ADGRD1: variants seen among roughly 807,000 people sequenced by gnomAD.
ADGRD1 encodes the protein adhesion G protein-coupled receptor D1.
ADGRD1 carries 77 observed loss-of-function variants against 113.4 expected under a neutral mutation model. The observed-to-expected ratio is 0.68, with a 90% CI of 0.57 to 0.82. The LOEUF is 0.82. Among genes scored for constraint, ADGRD1 ranks in the 40% least tolerant of loss-of-function variants. The pLI, the probability that ADGRD1 is intolerant of heterozygous loss-of-function variation, is 0.00. For missense variants in ADGRD1, 1,036 were observed against 1,139.1 expected (o/e 0.91, Z 1.30); for synonymous variants, 474 against 475.0 (o/e 1.00, Z 0.03).
At chr12:131,034,837 C>T (rs575357229) in intron 13 of ADGRD1, among the ~76,000 whole-genome samples, 13 of 152,270 alleles carry the variant, frequency 8.5e-5, no homozygotes, top group South Asian at 6.2e-4. Flanking sequence ...CACCGGCTCC[C>T]GCTCCTTAGC....
chr12:131,070,936 G>A (rs753688737), intron 13 of ADGRD1: 1 of 519,048 alleles, frequency 1.9e-6, no homozygotes, highest in Non-Finnish European at 3.8e-6. Flanking sequence ...TGGGGTCAGA[G>A]TGGGCCTGAG....
chr12:131,087,112 C>T (rs1187781760), intron 15 of ADGRD1, among the ~76,000 whole-genome samples: 21 of 152,168 alleles, frequency 1.4e-4, no homozygotes, highest in Non-Finnish European at 1.9e-4. Flanking sequence ...CACCATGTTC[C>T]TCAGGCTGGT....
At chr12:131,105,342 G>C (rs1042002056) in intron 16 of ADGRD1, among the ~76,000 whole-genome samples, 7 of 152,256 alleles carry the variant, frequency 4.6e-5, no homozygotes, top group Non-Finnish European at 1.0e-4. Flanking sequence ...CAGAGAGCGA[G>C]GGGTGCAGCT....
intron 20 of ADGRD1, 51 bp downstream of exon 20, chr12:131,120,964 G>A: frequency 1.9e-6 from 3 of 1,550,142 alleles, no homozygotes; most frequent in Non-Finnish European, 2.7e-6. Flanking sequence ...AGGGGCAGGA[G>A]GAGAGGGTGT....
At chr12:130,974,445 A>C (rs541420972) in intron 4 of ADGRD1, among the ~76,000 whole-genome samples, 2 of 152,338 alleles carry the variant, frequency 1.3e-5, no homozygotes, top group East Asian at 3.9e-4. Flanking sequence ...ATTCCCTAAT[A>C]ATCATAATTC....
rs1435576343 is a variant in ADGRD1 at position 131,041,578 on chromosome 12, G to A, written c.1473+27238G>A. On this transcript the variant is annotated intron_variant, in intron 13 of 24. Coordinates refer to ENST00000261654, the MANE Select transcript of ADGRD1 (RefSeq NM_198827.5). This position sits in a 1 kb window ranked among gnomAD's most constrained non-coding sequence, Gnocchi z 4.4. Reference sequence around the variant, plus strand: ...GCATGTATTCAGAATCAAAGAAACAGGAAAGCAAACATCCAGTTATAGCTG... The same window carrying A: ...GCATGTATTCAGAATCAAAGAAACAAGAAAGCAAACATCCAGTTATAGCTG... 6.6e-6 allele frequency among the ~76,000 whole-genome samples: 1 copy of A among 152,170 alleles called. No homozygotes were observed. Among genetic ancestry groups the A allele is most frequent in the Non-Finnish European group, 1.5e-5 (1 of 68,020 alleles).
intron 15 of ADGRD1, among the ~76,000 whole-genome samples, chr12:131,095,145 A>T (rs1469903058): frequency 1.3e-5 from 2 of 152,094 alleles, no homozygotes; most frequent in Admixed American, 1.3e-4. Context: ...GCTGCTGGCC[A>T]CCTGGGACAT....
At chr12:131,016,346 CT>C (rs1246506903) in intron 13 of ADGRD1, among the ~76,000 whole-genome samples, 1 of 152,272 alleles carries the variant, frequency 6.6e-6, no homozygotes, top group Non-Finnish European at 1.5e-5. Flanking sequence ...TCAGGAGACG[CT>C]TGCTGAGTGA....
intron 13 of ADGRD1, among the ~76,000 whole-genome samples, chr12:131,055,563 A>G (rs1206619454): frequency 1.3e-5 from 2 of 152,180 alleles, no homozygotes. Flanking sequence ...GTTATCCTTT[A>G]ATATGTGGGG....
chr12:131,085,392 C>T (rs1281323952), intron 15 of ADGRD1, among the ~76,000 whole-genome samples: 1 of 151,672 alleles, frequency 6.6e-6, no homozygotes, highest in African/African-American at 2.4e-5. Context: ...GTGGATGGAG[C>T]ACCCTGAGCT....
intron 23 of ADGRD1, chr12:131,137,692 G>A (rs532314383): frequency 5.4e-4 from 135 of 249,970 alleles, no homozygotes; most frequent in African/African-American, 2.9e-3. Context: ...CAGGATGGTG[G>A]CCGGGCAGAA....
chr12:131,092,618 C>T (rs888133179), intron 15 of ADGRD1, among the ~76,000 whole-genome samples: 2 of 152,276 alleles, frequency 1.3e-5, no homozygotes, highest in East Asian at 1.9e-4. Context: ...GGCATGGGCA[C>T]CTGCCTTGGG....
At chr12:130,978,995 C>T (rs1161469255) in intron 4 of ADGRD1, among the ~76,000 whole-genome samples, 1 of 150,496 alleles carries the variant, frequency 6.6e-6, no homozygotes, top group Non-Finnish European at 1.5e-5. Flanking sequence ...GCGGGAGGCT[C>T]GGGGGGTTGT....
intron 23 of ADGRD1, chr12:131,137,215 A>G: frequency 1.6e-6 from 1 of 616,320 alleles, no homozygotes; most frequent in Non-Finnish European, 2.9e-6. Flanking sequence ...TTGCTAAGCG[A>G]TATGCAAGCA....
At position 131,021,942 on chromosome 12, in the gene ADGRD1, G is replaced by A. The variant is rs542119246; in HGVS notation, c.1473+7602G>A. On this transcript the variant is annotated intron_variant, in intron 13 of 24. Coordinates refer to ENST00000261654, the MANE Select transcript of ADGRD1 (RefSeq NM_198827.5). ...GGCTGGTCTTGAACTCCTGGGCTCA[G>A]GCGATTCTGCCTCAGCCTCCCAAAG... is the stretch of plus-strand genomic sequence containing the variant. 3.3e-5 allele frequency among the ~76,000 whole-genome samples: 5 copies of A among 152,272 alleles called. 1 individual carries two copies. The South Asian group carries it at 1.0e-3, about 32-fold the overall frequency.
Position 130,989,984 on chromosome 12 carries a change from AC to A in ADGRD1, c.746-1028del, listed in dbSNP as rs1874175306. The stretch of plus-strand genomic sequence containing the variant: ...ACGTGGGAACTGGGACCGACTGAGG[AC>A]CTGGCAGATTCTCATTTTCACCCCA... On this transcript the variant is annotated intron_variant, in intron 6 of 24. Transcript: ENST00000261654. 2.0e-5 allele frequency: 3 copies of A among 152,208 alleles called. No individual in the cohort carries two copies. The South Asian group carries it at 6.2e-4, about 32-fold the overall frequency. The allele number at this position is 152,208 out of a possible 1,614,324, so 9.4% of individuals were successfully genotyped here. A position where few individuals can be genotyped will look rare whatever the true frequency, so the allele number is the denominator to read the frequency against.
intron 9 of ADGRD1, chr12:131,002,657 A>C: frequency 8.8e-7 from 1 of 1,134,484 alleles, no homozygotes; most frequent in South Asian, 1.7e-5. Context: ...GAACTCAGAA[A>C]GGAAAGAGGG....
chr12:131,015,765 C>G (rs1486127842), intron 13 of ADGRD1, among the ~76,000 whole-genome samples: 1 of 152,204 alleles, frequency 6.6e-6, no homozygotes, highest in African/African-American at 2.4e-5. Flanking sequence ...CTCCGCCCCT[C>G]CCGGTGTCCC....
intron 4 of ADGRD1, among the ~76,000 whole-genome samples, chr12:130,980,066 G>A (rs1872761577): frequency 1.3e-5 from 2 of 150,882 alleles, no homozygotes; most frequent in Admixed American, 1.3e-4. Context: ...AGCGGTCGGG[G>A]TGGGTGCGGG....
Sources: allele counts gnomAD v4.1 joint callset (sites outside exome capture counted in the v4.1 genomes callset), GRCh38; gene constraint gnomAD v4.1.1; non-coding constraint Gnocchi (gnomAD v3.1); transcripts MANE v1.5; gene names NCBI Gene and HGNC (gene_info 2026-07-23, HGNC 2026-07-21).